The following FRYL variants were observed in gnomAD, a reference collection of about 807,000 sequenced individuals.
FRYL encodes the protein FRY like transcription coactivator, also known as protein furry homolog-like.
In FRYL, 150 loss-of-function variants were observed where a neutral mutation model predicts 351.2. That is an observed-to-expected ratio of 0.43 (90% CI 0.37 to 0.49). The LOEUF is 0.49. Ranked by LOEUF, FRYL falls within the 20% of genes least tolerant of loss-of-function variation. FRYL has a pLI of 0.00. For missense variants in FRYL, 3,036 were observed against 3,619.3 expected, an observed-to-expected ratio of 0.84 and a Z score of 4.13; for synonymous variants, 1,153 against 1,257.1, an observed-to-expected ratio of 0.92 and a Z score of 1.75.
At chr4:48,620,918 C>T in intron 5 of FRYL, 140 bp from the exon 6 acceptor site, 2 of 764,048 alleles carry the variant, frequency 2.6e-6, no homozygotes, top group South Asian at 4.4e-5. Flanking sequence ...AAGCAAGGGT[C>T]AAGGGTTTAG....
At chr4:48,773,356 T>C (rs945239839) in intron 1 of FRYL, among the ~76,000 whole-genome samples, 1 of 152,190 alleles carries the variant, frequency 6.6e-6, no homozygotes, top group African/African-American at 2.4e-5. Context: ...TCATGATCAA[T>C]CTACGAAGCA....
intron 3 of FRYL, 108 bp from the exon 4 acceptor site, chr4:48,634,598 T>C: frequency 1.5e-6 from 1 of 685,098 alleles, no homozygotes; most frequent in Non-Finnish European, 2.4e-6. Context: ...CAACCAGTTC[T>C]CCCAATCTCC....
intron 4 of FRYL, among the ~76,000 whole-genome samples, chr4:48,629,820 T>C (rs1194152563): frequency 6.6e-6 from 1 of 152,124 alleles, no homozygotes; most frequent in East Asian, 1.9e-4. Flanking sequence ...TCTGAAAGTA[T>C]GGCTAAAGGT....
At chr4:48,671,862 A>AAAC (rs1560832406) in intron 3 of FRYL, among the ~76,000 whole-genome samples, 2 of 117,306 alleles carry the variant, frequency 1.7e-5, no homozygotes, top group Non-Finnish European at 3.5e-5. Flanking sequence ...CAAAAACAAA[A>AAAC]AAAAAAAAAA....
At chr4:48,671,891 A>AAAG (rs1762817692) in intron 3 of FRYL, among the ~76,000 whole-genome samples, 2 of 142,538 alleles carry the variant, frequency 1.4e-5, no homozygotes, top group African/African-American at 2.6e-5. Flanking sequence ...AAAAAAAAAA[A>AAAG]GAAGGAAAGA....
chr4:48,506,654 A>G (rs1364736961), intron 59 of FRYL: 2 of 97,690 alleles, frequency 2.0e-5, no homozygotes, highest in Non-Finnish European at 4.6e-5. Flanking sequence ...ATATATATAT[A>G]TATATATATA....
intron 57 of FRYL, among the ~76,000 whole-genome samples, chr4:48,511,273 G>A (rs1393886637): frequency 6.6e-6 from 1 of 152,120 alleles, no homozygotes; most frequent in Non-Finnish European, 1.5e-5. Context: ...GATGCATGCT[G>A]TACATTCTTA....
In FRYL at chr4:48,576,089, A is replaced by G. The variant is rs747566020; in HGVS notation, c.2662T>C (p.Cys888Arg). 33 of 1,613,818 alleles carry G rather than the reference A, an allele frequency of 2.0e-5. No homozygotes were observed. Among genetic ancestry groups the G allele is most frequent in the Non-Finnish European group, 2.6e-5 (31 of 1,179,934 alleles). The change falls in exon 24 of 64, where the codon TGT becomes CGT. Residue 888 changes from cysteine to arginine, a missense_variant. Physicochemically the swap from Cys to Arg is radical, Grantham distance 180. This residue lies in a region of FRYL where 492 missense variants were observed against 551.5 expected (regional missense o/e 0.89). Transcript: ENST00000358350. ...GACGCCAGCGTCTCAGGAGGAGAAC[A>G]TCTCACAGAACCTGCAGATGTGGAA... ...SSSTSAGSVR[C>R]SPPETLASTP...
chr4:48,603,689 A>G (rs1243192808), intron 11 of FRYL, among the ~76,000 whole-genome samples: 1 of 152,152 alleles, frequency 6.6e-6, no homozygotes, highest in Non-Finnish European at 1.5e-5. Flanking sequence ...CTCAACAAGG[A>G]AGTAACATCT....
intron 1 of FRYL, among the ~76,000 whole-genome samples, chr4:48,768,706 G>C (rs925691960): frequency 6.6e-6 from 1 of 152,070 alleles, no homozygotes; most frequent in Non-Finnish European, 1.5e-5. Flanking sequence ...AGAAGGCTAG[G>C]GTAGGAGAAT....
chr4:48,663,394 ATACT>A (rs1266028326), intron 3 of FRYL, among the ~76,000 whole-genome samples: 2 of 151,254 alleles, frequency 1.3e-5, no homozygotes, highest in African/African-American at 4.8e-5. Context: ...ATAAATTAGA[ATACT>A]AAAAACTACA....
In FRYL at chr4:48,540,682, T is replaced by G; in HGVS notation, c.5966A>C (p.Asp1989Ala). 2 of 1,614,000 alleles carry G rather than the reference T, an allele frequency of 1.2e-6. No homozygotes were observed. Among genetic ancestry groups the G allele is most frequent in the Non-Finnish European group, 1.7e-6 (2 of 1,179,920 alleles). The stretch of plus-strand genomic sequence containing the variant: ...GGTAGGCTCAGTAGTGGACTGCACG[T>G]CATACATTCCTTTCTCTCTTAGAGA... ...LSSLREKGMY[D>A]VQSTTEPTNL... is the part of the protein sequence containing the mutation. The change falls in exon 46 of 64, where the codon GAC becomes GCC. Residue 1989 changes from aspartate (D) to alanine (A), a missense_variant. By Grantham distance (126) the Asp-to-Ala change is moderately radical. Transcript: ENST00000358350.
At chr4:48,712,523 G>T (rs189898088) in intron 1 of FRYL, among the ~76,000 whole-genome samples, 296 of 152,270 alleles carry the variant, frequency 1.9e-3, no homozygotes, top group Admixed American at 2.9e-3. Flanking sequence ...AGAGAAAAAA[G>T]AATAAAAAGA....
chr4:48,521,964 G>A (rs1322877182), intron 54 of FRYL, among the ~76,000 whole-genome samples: 1 of 152,156 alleles, frequency 6.6e-6, no homozygotes, highest in Admixed American at 6.5e-5. Flanking sequence ...AGCAGGCCGA[G>A]TGGAGCAAAT....
chr4:48,599,389 C>A (rs1368415344), intron 13 of FRYL, among the ~76,000 whole-genome samples: 1 of 152,180 alleles, frequency 6.6e-6, no homozygotes, highest in East Asian at 1.9e-4. Context: ...GTGACACTGT[C>A]ACAAGCTATT....
At chr4:48,651,639 C>T (rs1231063679) in intron 3 of FRYL, among the ~76,000 whole-genome samples, 1 of 152,184 alleles carries the variant, frequency 6.6e-6, no homozygotes, top group African/African-American at 2.4e-5. Flanking sequence ...TTTTATACTT[C>T]TATCTGCCAC....
At chr4:48,717,275 TA>T (rs540520895) in intron 1 of FRYL, among the ~76,000 whole-genome samples, 24 of 148,298 alleles carry the variant, frequency 1.6e-4, no homozygotes, top group Admixed American at 4.8e-4. Context: ...AGTATAATAA[TA>T]AAAAAAAACA....
intron 3 of FRYL, chr4:48,637,824 A>G (rs1483947803): frequency 6.6e-6 from 1 of 152,118 alleles, no homozygotes; most frequent in East Asian, 1.9e-4. Flanking sequence ...TGTCTTTTTC[A>G]TGCTGATGAG....
chr4:48,606,643 A>G, intron 9 of FRYL, 37 bp from the exon 10 acceptor site: 5 of 1,512,670 alleles, frequency 3.3e-6, no homozygotes, highest in Non-Finnish European at 4.5e-6. Flanking sequence ...GATTTGAATT[A>G]AAAACACTAA....
Sources: allele counts gnomAD v4.1 joint callset (sites outside exome capture counted in the v4.1 genomes callset), GRCh38; gene constraint gnomAD v4.1.1; regional missense constraint gnomAD v4.1.1; transcripts MANE v1.5; gene names NCBI Gene and HGNC (gene_info 2026-07-23, HGNC 2026-07-21).